SYN2: variants seen among roughly 807,000 people sequenced by gnomAD.
SYN2 encodes the protein synapsin II.
A neutral mutation model predicts 50.9 loss-of-function variants in SYN2; 19 were observed. That is an observed-to-expected ratio of 0.37 (90% CI 0.26 to 0.55). SYN2 has a LOEUF of 0.55. Among genes scored for constraint, SYN2 ranks in the 20% least tolerant of loss-of-function variants. The pLI, the probability that SYN2 is intolerant of heterozygous loss-of-function variation, is 0.81. For missense variants in SYN2, 587 were observed against 576.4 expected (o/e 1.02, Z -0.19); for synonymous variants, 255 against 224.9 (o/e 1.13, Z -1.20).
chr3:12,013,963 C>T (rs1203780553), intron 1 of SYN2, among the ~76,000 whole-genome samples: 1 of 152,142 alleles, frequency 6.6e-6, no homozygotes, highest in African/African-American at 2.4e-5. Flanking sequence ...CCTTCCTCCC[C>T]TTTCCTTTTC....
intron 1 of SYN2, among the ~76,000 whole-genome samples, chr3:12,042,862 G>A (rs1694648588): frequency 6.6e-6 from 1 of 152,132 alleles, no homozygotes; most frequent in African/African-American, 2.4e-5. Flanking sequence ...GGAATGGCAA[G>A]GATTGCTTGT....
At chr3:12,021,185 C>T (rs1694127001) in intron 1 of SYN2, among the ~76,000 whole-genome samples, 1 of 152,026 alleles carries the variant, frequency 6.6e-6, no homozygotes, top group African/African-American at 2.4e-5. Context: ...AATTTTTCAC[C>T]ATTATGACAT....
intron 1 of SYN2, among the ~76,000 whole-genome samples, chr3:12,048,670 T>TAA (rs1376128006): frequency 6.6e-6 from 1 of 152,230 alleles, no homozygotes; most frequent in African/African-American, 2.4e-5. Context: ...CCTACTTAGT[T>TAA]AAGTGTTTTA....
At chr3:12,149,846 A>G (rs568371674) in intron 4 of SYN2, among the ~76,000 whole-genome samples, 101 of 152,188 alleles carry the variant, frequency 6.6e-4, no homozygotes, top group Non-Finnish European at 1.2e-3. Flanking sequence ...CTTAAACTAC[A>G]GTTTGATAGC....
At chr3:12,114,291 C>G (rs1330089898) in intron 1 of SYN2, among the ~76,000 whole-genome samples, 2 of 151,876 alleles carry the variant, frequency 1.3e-5, no homozygotes, top group Non-Finnish European at 2.9e-5. Context: ...ATTTTTAATT[C>G]TGTCATCTTT....
rs1253965147 is a variant in SYN2 at position 12,178,339 on chromosome 3, C to T, written c.1309-4973C>T. Among the ~76,000 whole-genome samples the T allele has an allele frequency of 3.3e-5, 5 of 152,196 alleles. No individual in the cohort carries two copies. The South Asian group carries it at 6.2e-4, about 19-fold the overall frequency. ...AACAGCTCACAAGTGTTGAGTCACT[C>T]AATGTCTTTCCTTCCTCAGCTTTCC... On this transcript the variant is annotated intron_variant, in intron 10 of 12. Transcript: ENST00000621198.
intron 1 of SYN2, among the ~76,000 whole-genome samples, chr3:12,007,439 T>A (rs1308414891): frequency 6.6e-6 from 1 of 152,236 alleles, no homozygotes; most frequent in Non-Finnish European, 1.5e-5. Context: ...TGAGTGGTTT[T>A]ATTGAAAAGT....
At chr3:12,042,045 G>A (rs1488181013) in intron 1 of SYN2, among the ~76,000 whole-genome samples, 1 of 152,166 alleles carries the variant, frequency 6.6e-6, no homozygotes, top group Admixed American at 6.5e-5. Flanking sequence ...ATAATTTAGT[G>A]ACAAGTTGTT....
At chr3:12,167,847 C>T (rs549785822) in intron 8 of SYN2, among the ~76,000 whole-genome samples, 8 of 152,190 alleles carry the variant, frequency 5.3e-5, no homozygotes, top group South Asian at 2.1e-4. Context: ...AAAATATGGA[C>T]GGAGAAGGCC....
intron 1 of SYN2, among the ~76,000 whole-genome samples, chr3:12,054,228 T>C (rs1212498221): frequency 6.6e-6 from 1 of 152,178 alleles, no homozygotes; most frequent in Non-Finnish European, 1.5e-5. Flanking sequence ...TATCTGTTGA[T>C]TCCCCCTTAT....
At chr3:12,076,882 C>T (rs769722368) in intron 1 of SYN2, among the ~76,000 whole-genome samples, 1 of 152,062 alleles carries the variant, frequency 6.6e-6, no homozygotes, top group South Asian at 2.1e-4. Flanking sequence ...TCTGTAGTGA[C>T]AGATGGTTTG....
chr3:12,096,493 A>G (rs1695937255), intron 1 of SYN2, among the ~76,000 whole-genome samples: 1 of 152,118 alleles, frequency 6.6e-6, no homozygotes, highest in African/African-American at 2.4e-5. Flanking sequence ...ATGAGAATAA[A>G]GCACATGGCT....
chr3:12,027,831 A>C (rs1422288746), intron 1 of SYN2, among the ~76,000 whole-genome samples: 1 of 152,042 alleles, frequency 6.6e-6, no homozygotes, highest in Non-Finnish European at 1.5e-5. Flanking sequence ...GGCCCAGTGG[A>C]AAAAAGTTTA....
intron 1 of SYN2, among the ~76,000 whole-genome samples, chr3:12,120,187 AG>A (rs1051621261): frequency 1.3e-5 from 2 of 152,186 alleles, no homozygotes; most frequent in African/African-American, 4.8e-5. Flanking sequence ...ACAGAGGCCT[AG>A]GAAGTTAAAC....
In SYN2 at chr3:12,190,798, C is replaced by T; in HGVS notation, c.*173C>T. ...AGCCCAGAAAGGACCATTTGACAGTCTCAGGGCAGGTGCCTACCCAGCAAG... is the reference window on the plus strand; with the variant it reads ...AGCCCAGAAAGGACCATTTGACAGTTTCAGGGCAGGTGCCTACCCAGCAAG... On this transcript the variant is annotated 3_prime_UTR_variant, in exon 13 of 13. Transcript: ENST00000621198. The T allele has an allele frequency of 7.3e-7, 1 of 1,377,762 alleles. No homozygotes were observed. Among genetic ancestry groups the T allele is most frequent in the Non-Finnish European group, 9.3e-7 (1 of 1,072,984 alleles). 85.3% of individuals were successfully genotyped at this position (1,377,762 alleles called of 1,614,324 possible). A position where few individuals can be genotyped will look rare whatever the true frequency, so the allele number is the denominator to read the frequency against.
At position 12,041,651 on chromosome 3, in the gene SYN2, C is replaced by G. The variant is rs113550837; in HGVS notation, c.377+36723C>G. Among the ~76,000 whole-genome samples, 747 of 152,284 alleles carry G rather than the reference C, an allele frequency of 4.9e-3. 6 individuals are homozygous for G. The highest frequency in any genetic ancestry group is 0.017 in the African/African-American group (688 of 41,556). On this transcript the variant is annotated intron_variant, in intron 1 of 12. Coordinates refer to ENST00000621198, the MANE Select transcript of SYN2 (RefSeq NM_133625.6). ...TAGTTCGTGTCCTTGCCTTTAGTCTCCCTCCTGCCAGTCTAAGGTGTAAAT... is the reference window on the plus strand; with the variant it reads ...TAGTTCGTGTCCTTGCCTTTAGTCTGCCTCCTGCCAGTCTAAGGTGTAAAT...
At chr3:12,093,319 A>G (rs1232447322) in intron 1 of SYN2, among the ~76,000 whole-genome samples, 1 of 152,202 alleles carries the variant, frequency 6.6e-6, no homozygotes, top group East Asian at 1.9e-4. Flanking sequence ...TGGACATAGG[A>G]ATGGTATCAT....
At chr3:12,175,157 A>G (rs1162318832) in intron 10 of SYN2, among the ~76,000 whole-genome samples, 5 of 152,220 alleles carry the variant, frequency 3.3e-5, no homozygotes, top group African/African-American at 9.6e-5. Flanking sequence ...TAGCAATTCT[A>G]TACAAATGAC....
At chr3:12,163,810 C>T (rs1310656845) in intron 7 of SYN2, among the ~76,000 whole-genome samples, 4 of 152,092 alleles carry the variant, frequency 2.6e-5, no homozygotes, top group Non-Finnish European at 5.9e-5. Context: ...GGTGTGGTGG[C>T]TCACATCTGT....
Sources: gnomAD v4.1 joint callset for allele counts (sites outside exome capture counted in the v4.1 genomes callset) on GRCh38, gnomAD v4.1.1 for gene constraint, MANE v1.5 for transcripts, NCBI Gene and HGNC (gene_info 2026-07-23, HGNC 2026-07-21) for gene names.